Variants in CACNA1C observed in about 807,000 individuals in gnomAD.
The protein encoded by CACNA1C is voltage-dependent L-type calcium channel subunit alpha-1C.
In CACNA1C, 30 loss-of-function variants were observed where a neutral mutation model predicts 229.0. That is an observed-to-expected ratio of 0.13 (90% CI 0.10 to 0.18). The LOEUF (loss-of-function observed/expected upper bound fraction) is 0.18, where lower values mean the gene tolerates loss of function less well. Among genes scored for constraint, CACNA1C ranks in the 10% least tolerant of loss-of-function variants. The pLI, the probability that CACNA1C is intolerant of heterozygous loss-of-function variation, is 1.00. For missense variants in CACNA1C, 1,658 were observed against 2,845.0 expected (o/e 0.58, Z 9.49); for synonymous variants, 1,114 against 1,132.5 (o/e 0.98, Z 0.33).
chr12:2,093,186 A>G (rs1305413112), intron 1 of CACNA1C, among the ~76,000 whole-genome samples: 1 of 152,150 alleles, frequency 6.6e-6, no homozygotes, highest in East Asian at 1.9e-4. Context: ...GTTACCAGAG[A>G]GTGTACGTGG....
At chr12:2,506,534 G>A (rs1459629745) in intron 8 of CACNA1C, among the ~76,000 whole-genome samples, 1 of 152,182 alleles carries the variant, frequency 6.6e-6, no homozygotes, top group Non-Finnish European at 1.5e-5. Context: ...TATAATAAGT[G>A]CCCAATAATG....
At chr12:2,160,707 T>A (rs910686577) in intron 3 of CACNA1C, among the ~76,000 whole-genome samples, 16 of 152,240 alleles carry the variant, frequency 1.1e-4, no homozygotes, top group African/African-American at 3.9e-4. Flanking sequence ...AAACACCTAA[T>A]GGAAACTGCC....
intron 1 of CACNA1C, among the ~76,000 whole-genome samples, chr12:2,103,033 C>T (rs1032587738): frequency 5.3e-5 from 8 of 152,102 alleles, no homozygotes; most frequent in South Asian, 2.1e-4. Flanking sequence ...TGAACGGTGC[C>T]GCAGTAAACA....
chr12:2,551,007 G>A (rs1381670525), intron 10 of CACNA1C, among the ~76,000 whole-genome samples: 5 of 152,182 alleles, frequency 3.3e-5, no homozygotes, highest in Admixed American at 6.5e-5. Flanking sequence ...GTTAAAATAC[G>A]ATGCTAATTA....
intron 3 of CACNA1C, among the ~76,000 whole-genome samples, chr12:2,182,160 G>C (rs891954317): frequency 2.0e-5 from 3 of 149,194 alleles, no homozygotes; most frequent in African/African-American, 7.4e-5. Flanking sequence ...AAAAAATGAC[G>C]GTACCAACCT....
chr12:2,416,743 C>T (rs1023399637), intron 3 of CACNA1C, among the ~76,000 whole-genome samples: 1 of 152,230 alleles, frequency 6.6e-6, no homozygotes, highest in Non-Finnish European at 1.5e-5. Flanking sequence ...TTTTACTTGA[C>T]ACTGACTGTG....
At chr12:2,501,249 ATTT>A (rs1568068501) in intron 7 of CACNA1C, among the ~76,000 whole-genome samples, 30 of 144,436 alleles carry the variant, frequency 2.1e-4, no homozygotes, top group African/African-American at 5.6e-4. Flanking sequence ...AGCAATACTC[ATTT>A]AGAGGAAAAG....
At chr12:2,061,731 T>C (rs941322847) in intron 1 of CACNA1C, among the ~76,000 whole-genome samples, 9 of 152,156 alleles carry the variant, frequency 5.9e-5, no homozygotes, top group African/African-American at 1.2e-4. Context: ...AATAGGGCCA[T>C]TGAGGGCAGG....
chr12:2,164,935 T>C (rs906809288), intron 3 of CACNA1C, among the ~76,000 whole-genome samples: 2 of 152,254 alleles, frequency 1.3e-5, no homozygotes, highest in African/African-American at 4.8e-5. Context: ...GTGTGTTTTC[T>C]AGTCCTTTGG....
intron 3 of CACNA1C, among the ~76,000 whole-genome samples, chr12:2,220,201 AC>A (rs1173109784): frequency 6.6e-6 from 1 of 152,170 alleles, no homozygotes; most frequent in African/African-American, 2.4e-5. Context: ...GAATACTGAC[AC>A]AATTCAAAGC....
intron 9 of CACNA1C, among the ~76,000 whole-genome samples, chr12:2,526,781 A>G (rs2099819206): frequency 6.6e-6 from 1 of 152,236 alleles, no homozygotes; most frequent in Non-Finnish European, 1.5e-5. Flanking sequence ...AGAGCCTAAG[A>G]AGAGAATGAA....
intron 3 of CACNA1C, among the ~76,000 whole-genome samples, chr12:2,214,309 G>A (rs927783200): frequency 1.3e-5 from 2 of 152,100 alleles, no homozygotes; most frequent in Non-Finnish European, 2.9e-5. Context: ...TAACTTGCTC[G>A]ACCCCTCTGT....
rs539923862 is a variant in CACNA1C, at chr12:2,139,156, G to T, written c.477+18726G>T. 9.8e-4 allele frequency among the ~76,000 whole-genome samples: 148 copies of T among 151,196 alleles called. 2 individuals carry two copies. Among genetic ancestry groups the T allele is most frequent in the African/African-American group, 3.5e-3 (143 of 41,432 alleles). On this transcript the variant is annotated intron_variant, in intron 3 of 46. Coordinates refer to ENST00000399655, the MANE Select transcript of CACNA1C (RefSeq NM_000719.7). ...GCATTGGTTCCTCTGGGCACTCTGAGGAGTGTGTTCCGTGCTCCTGCCCTG... is the reference window on the plus strand; with the variant it reads ...GCATTGGTTCCTCTGGGCACTCTGATGAGTGTGTTCCGTGCTCCTGCCCTG...
Position 2,152,878 on chromosome 12 carries a change from G to T in CACNA1C, c.477+32448G>T, listed in dbSNP as rs1236881332. ...AAGATTGGTAGGTCCCACTGGTCCCGAGTGTCCTACGGCCCTTTATATTGG... is the reference window on the plus strand; with the variant it reads ...AAGATTGGTAGGTCCCACTGGTCCCTAGTGTCCTACGGCCCTTTATATTGG... On this transcript the variant is annotated intron_variant, in intron 3 of 46. Coordinates refer to ENST00000399655, the MANE Select transcript of CACNA1C (RefSeq NM_000719.7). The surrounding 1 kb of genome is among the most constrained non-coding windows in gnomAD (Gnocchi z 4.2). Among the ~76,000 whole-genome samples the T allele has an allele frequency of 6.6e-6, 1 of 152,126 alleles. No homozygotes were observed. The highest frequency in any genetic ancestry group is 2.1e-4 in the South Asian group (1 of 4,814).
chr12:2,125,371 G>T (rs1305120899), intron 3 of CACNA1C, among the ~76,000 whole-genome samples: 1 of 152,180 alleles, frequency 6.6e-6, no homozygotes, highest in East Asian at 1.9e-4. Context: ...GTAGGTGCAT[G>T]ACAACTGTTT....
intron 1 of CACNA1C, among the ~76,000 whole-genome samples, chr12:2,083,757 A>G (rs772700957): frequency 1.3e-5 from 2 of 152,232 alleles, no homozygotes; most frequent in Non-Finnish European, 2.9e-5. Flanking sequence ...AAGAACCACA[A>G]GAGCTGTCAA....
chr12:2,333,350 G>T (rs1180160559), intron 3 of CACNA1C, among the ~76,000 whole-genome samples: 2 of 152,190 alleles, frequency 1.3e-5, no homozygotes, highest in African/African-American at 2.4e-5. Context: ...TGGCCTCCTG[G>T]ATCATGCCCA....
Position 2,034,209 on chromosome 12 carries a change from C to T in CACNA1C, c.139+63008C>T, listed in dbSNP as rs2048707203. 6.6e-6 allele frequency among the ~76,000 whole-genome samples: 1 copy of T among 152,138 alleles called. No homozygotes were observed. Among genetic ancestry groups the T allele is most frequent in the African/African-American group, 2.4e-5 (1 of 41,430 alleles). ...TGAAGAGAGCGGTTCAGTGACTCGC[C>T]CAAACTCACATGCTTAGTGTGGGAA... On this transcript the variant is annotated intron_variant, in intron 1 of 46. Coordinates refer to the CACNA1C transcript ENST00000682462. The surrounding 1 kb of genome is among the most constrained non-coding windows in gnomAD (Gnocchi z 4.1).
At chr12:2,100,872 G>T (rs1289528534) in intron 1 of CACNA1C, among the ~76,000 whole-genome samples, 2 of 151,726 alleles carry the variant, frequency 1.3e-5, no homozygotes, top group Non-Finnish European at 2.9e-5. Context: ...GGGCAACAGG[G>T]TGTCTCTACT....
Sources: allele counts gnomAD v4.1 joint callset (sites outside exome capture counted in the v4.1 genomes callset), GRCh38; gene constraint gnomAD v4.1.1; non-coding constraint Gnocchi (gnomAD v3.1); transcripts MANE v1.5; gene names NCBI Gene and HGNC (gene_info 2026-07-23, HGNC 2026-07-21).